CDH13: variants seen among roughly 807,000 people sequenced by gnomAD.
CDH13 encodes the protein cadherin-13.
A neutral mutation model predicts 63.8 loss-of-function variants in CDH13; 24 were observed. The ratio of observed to expected loss-of-function variants is 0.38; its 90% CI spans 0.27 to 0.53. The LOEUF (loss-of-function observed/expected upper bound fraction) is 0.53, where lower values mean the gene tolerates loss of function less well. Ranked by LOEUF, CDH13 falls within the 20% of genes least tolerant of loss-of-function variation. The pLI is 0.85. For missense variants in CDH13, 1,049 were observed against 903.1 expected (o/e 1.16, Z -2.07); for synonymous variants, 503 against 355.3 (o/e 1.42, Z -4.67).
intron 7 of CDH13, among the ~76,000 whole-genome samples, chr16:83,513,021 AAAG>A (rs796364786): frequency 1.8e-5 from 1 of 56,012 alleles, no homozygotes; most frequent in Non-Finnish European, 4.4e-5. Context: ...GGAATAAATA[AAAG>A]AAGAAAAAAA....
intron 3 of CDH13, among the ~76,000 whole-genome samples, chr16:83,048,728 C>G (rs1292846305): frequency 6.6e-6 from 1 of 152,160 alleles, no homozygotes; most frequent in Non-Finnish European, 1.5e-5. Context: ...TGAACTCACT[C>G]TTTTCTGCCT....
chr16:83,529,817 C>G (rs1472937759), intron 7 of CDH13, among the ~76,000 whole-genome samples: 1 of 151,986 alleles, frequency 6.6e-6, no homozygotes, highest in East Asian at 1.9e-4. Context: ...ACATATTGAA[C>G]ATTTGGTCAG....
intron 5 of CDH13, among the ~76,000 whole-genome samples, chr16:83,271,629 C>G (rs2088821196): frequency 6.6e-6 from 1 of 151,634 alleles, no homozygotes; most frequent in South Asian, 2.1e-4. Flanking sequence ...GCTGGTTTCT[C>G]AATTACAGTA....
intron 1 of CDH13, among the ~76,000 whole-genome samples, chr16:82,781,620 C>G (rs2035757971): frequency 6.6e-6 from 1 of 152,104 alleles, no homozygotes; most frequent in Non-Finnish European, 1.5e-5. Flanking sequence ...ATCCATCTAC[C>G]CATCCATTCA....
chr16:83,775,717 C>T (rs574814235), intron 11 of CDH13, among the ~76,000 whole-genome samples: 19 of 146,750 alleles, frequency 1.3e-4, no homozygotes, highest in Middle Eastern at 7.1e-3. Flanking sequence ...CGCTCTGTCT[C>T]AAAAATAAAA....
chr16:83,445,366 A>C (rs1350193868), intron 6 of CDH13, among the ~76,000 whole-genome samples: 1 of 133,482 alleles, frequency 7.5e-6, no homozygotes, highest in Non-Finnish European at 1.7e-5. Flanking sequence ...AAGTTATTTC[A>C]GAAAAGCTTC....
intron 6 of CDH13, among the ~76,000 whole-genome samples, chr16:83,438,667 AT>A (rs1458587525): frequency 2.6e-5 from 4 of 152,252 alleles, no homozygotes; most frequent in African/African-American, 9.6e-5. Context: ...TAGAGCCTGT[AT>A]ATAGTACGTT....
intron 8 of CDH13, among the ~76,000 whole-genome samples, chr16:83,656,863 A>G (rs922963591): frequency 6.6e-6 from 1 of 152,196 alleles, no homozygotes; most frequent in Admixed American, 6.5e-5. Context: ...AAGGCATTTC[A>G]TCTCTCCAAG....
intron 4 of CDH13, among the ~76,000 whole-genome samples, chr16:83,216,190 C>T (rs1051435138): frequency 2.6e-5 from 4 of 151,192 alleles, no homozygotes; most frequent in Non-Finnish European, 4.4e-5. Context: ...TCAAGGTCGA[C>T]AATTTGTAGG....
At chr16:82,808,817 A>G (rs2037290562) in intron 1 of CDH13, among the ~76,000 whole-genome samples, 2 of 152,118 alleles carry the variant, frequency 1.3e-5, no homozygotes, top group South Asian at 4.1e-4. Flanking sequence ...CTGCTGTGTC[A>G]TGTTCCTGGT....
chr16:82,861,286 G>A (rs11649214), intron 2 of CDH13, among the ~76,000 whole-genome samples: 18,236 of 152,170 alleles, frequency 0.12, 1,146 homozygotes, highest in Admixed American at 0.19. Flanking sequence ...CTTTATCTTT[G>A]CAATATTTAA....
At chr16:83,428,535 T>G (rs1489413022) in intron 6 of CDH13, among the ~76,000 whole-genome samples, 3 of 152,196 alleles carry the variant, frequency 2.0e-5, no homozygotes, top group Non-Finnish European at 4.4e-5. Flanking sequence ...TCATAACTTG[T>G]GATGTTTTGT....
chr16:82,682,669 C>G (rs1914669662), intron 1 of CDH13, among the ~76,000 whole-genome samples: 1 of 152,096 alleles, frequency 6.6e-6, no homozygotes, highest in African/African-American at 2.4e-5. Flanking sequence ...AGGAAGTCTC[C>G]AAGGAGCAAG....
intron 1 of CDH13, among the ~76,000 whole-genome samples, chr16:82,725,307 C>T (rs1424569456): frequency 1.3e-5 from 2 of 152,162 alleles, no homozygotes; most frequent in Non-Finnish European, 2.9e-5. Flanking sequence ...ATCACCAAAC[C>T]AGGTTTGTGG....
At chr16:83,357,552 A>G (rs2091079765) in intron 6 of CDH13, among the ~76,000 whole-genome samples, 1 of 152,040 alleles carries the variant, frequency 6.6e-6, no homozygotes, top group South Asian at 2.1e-4. Context: ...GACACCATGG[A>G]GCAGTGGTCC....
At chr16:83,167,741 T>G (rs2151722950) in intron 4 of CDH13, among the ~76,000 whole-genome samples, 1 of 152,098 alleles carries the variant, frequency 6.6e-6, no homozygotes, top group South Asian at 2.1e-4. Flanking sequence ...TCCTTCTGGT[T>G]TCCATTTTCA....
intron 4 of CDH13, among the ~76,000 whole-genome samples, chr16:83,185,735 A>G (rs536516729): frequency 6.6e-6 from 1 of 152,238 alleles, no homozygotes; most frequent in Non-Finnish European, 1.5e-5. Flanking sequence ...TCTATGGAAT[A>G]AACAGGCACT....
chr16:82,804,933 C>T (rs1366770751), intron 1 of CDH13, among the ~76,000 whole-genome samples: 1 of 152,142 alleles, frequency 6.6e-6, no homozygotes, highest in African/African-American at 2.4e-5. Context: ...ATTTTCATCC[C>T]TATTTTAAGC....
At chr16:82,854,658 C>G (rs568310225) in intron 1 of CDH13, among the ~76,000 whole-genome samples, 1 of 152,082 alleles carries the variant, frequency 6.6e-6, no homozygotes, top group South Asian at 2.1e-4. Flanking sequence ...GCAGATAATT[C>G]GTAATCATCT....
Sources: gnomAD v4.1 joint callset for allele counts (sites outside exome capture counted in the v4.1 genomes callset) on GRCh38, gnomAD v4.1.1 for gene constraint, MANE v1.5 for transcripts, NCBI Gene and HGNC (gene_info 2026-07-23, HGNC 2026-07-21) for gene names.